The following SEMA5A variants were observed in gnomAD, a reference collection of about 807,000 sequenced individuals.
The protein encoded by SEMA5A is semaphorin 5A.
In SEMA5A, 55 loss-of-function variants were observed where a neutral mutation model predicts 135.5. That is an observed-to-expected ratio of 0.41 (90% CI 0.33 to 0.51). The LOEUF is 0.51. Ranked by LOEUF, SEMA5A falls within the 20% of genes least tolerant of loss-of-function variation. The pLI is 0.37. For missense variants in SEMA5A, 1,290 were observed against 1,419.9 expected (o/e 0.91, Z 1.47); for synonymous variants, 580 against 546.5 (o/e 1.06, Z -0.85).
chr5:9,381,980 G>GTGTGTGTGTGTGTT, intron 2 of SEMA5A, among the ~76,000 whole-genome samples: 1 of 95,502 alleles, frequency 1.0e-5, no homozygotes, highest in East Asian at 2.7e-4. Flanking sequence ...GTGTGTGTGT[G>GTGTGTGTGTGTGTT]TGCGCGCGCG....
At chr5:9,273,467 C>G (rs1283595271) in intron 5 of SEMA5A, among the ~76,000 whole-genome samples, 1 of 152,072 alleles carries the variant, frequency 6.6e-6, no homozygotes, top group Non-Finnish European at 1.5e-5. Context: ...GGCCAACATT[C>G]AAATTCAGGA....
intron 8 of SEMA5A, among the ~76,000 whole-genome samples, chr5:9,221,586 G>A (rs184794182): frequency 5.3e-5 from 8 of 152,164 alleles, no homozygotes; most frequent in South Asian, 2.1e-4. Flanking sequence ...ACAGGCGTGA[G>A]CCACCGCGCC....
intron 5 of SEMA5A, among the ~76,000 whole-genome samples, chr5:9,258,213 T>C (rs1222252244): frequency 6.6e-6 from 1 of 152,200 alleles, no homozygotes; most frequent in Non-Finnish European, 1.5e-5. Context: ...AAATAGGTTA[T>C]CAAATGCTAG....
intron 1 of SEMA5A, among the ~76,000 whole-genome samples, chr5:9,528,962 T>C (rs1044324301): frequency 2.0e-5 from 3 of 152,212 alleles, no homozygotes; most frequent in African/African-American, 7.2e-5. Flanking sequence ...GGCAGGGCTT[T>C]AGGGATAGCT....
In SEMA5A at chr5:9,039,974, A is replaced by G. The variant is rs1053199173; in HGVS notation, c.*2923T>C. ...ATAGCACTGGGAGCCACTTTCAAAG[A>G]ATTTAAATGTAAGACTAAAGCCAAG... On this transcript the variant is annotated 3_prime_UTR_variant, in exon 23 of 23. Transcript: ENST00000382496. The G allele has an allele frequency of 6.6e-6, 1 of 152,214 alleles. No individual in the cohort carries two copies. The highest frequency in any genetic ancestry group is 1.5e-5 in the Non-Finnish European group (1 of 68,060). The allele number at this position is 152,214 out of a possible 1,614,324, so 9.4% of individuals were successfully genotyped here.
intron 21 of SEMA5A, among the ~76,000 whole-genome samples, chr5:9,049,241 A>C (rs192060311): frequency 2.6e-5 from 4 of 152,198 alleles, no homozygotes; most frequent in Admixed American, 2.0e-4. Context: ...AGCTCACTGC[A>C]ACCTCCACCT....
rs534930200 is a variant in SEMA5A at position 9,050,760 on chromosome 5, G to A, written c.2846-303C>T. Among the ~76,000 whole-genome samples, 10 of 152,268 alleles carry A rather than the reference G, an allele frequency of 6.6e-5. 1 individual carries two copies. Among genetic ancestry groups the A allele is most frequent in the Middle Eastern group, 3.4e-3 (1 of 294 alleles). ...ATTTTCCATTACAAGGTGTCTTGCCGGGGGGATCCCCCCACTCTGCCCAAC... is the reference window on the plus strand; with the variant it reads ...ATTTTCCATTACAAGGTGTCTTGCCAGGGGGATCCCCCCACTCTGCCCAAC... On this transcript the variant is annotated intron_variant, in intron 20 of 22. Transcript: ENST00000382496.
intron 8 of SEMA5A, among the ~76,000 whole-genome samples, chr5:9,217,691 C>G (rs1158323801): frequency 1.3e-5 from 2 of 152,136 alleles, no homozygotes; most frequent in Non-Finnish European, 1.5e-5. Flanking sequence ...AGGTTTTGTT[C>G]ATTCCTTTTA....
rs760198129 is a variant in SEMA5A at position 9,466,145 on chromosome 5, A to T, written c.-174-28293T>A. ...TGTGCACACAGATACCTGGGTACCA[A>T]TGTGGAGATCACTGGGAAACAGGAT... On this transcript the variant is annotated intron_variant, in intron 1 of 22. Coordinates refer to ENST00000382496, the MANE Select transcript of SEMA5A (RefSeq NM_003966.3). Among the ~76,000 whole-genome samples the T allele has an allele frequency of 4.9e-4, 74 of 152,170 alleles. 1 individual carries two copies. Among genetic ancestry groups the T allele is most frequent in the Admixed American group, 3.9e-3 (60 of 15,278 alleles).
At chr5:9,259,091 G>A (rs1749256802) in intron 5 of SEMA5A, among the ~76,000 whole-genome samples, 1 of 151,904 alleles carries the variant, frequency 6.6e-6, no homozygotes, top group Admixed American at 6.6e-5. Flanking sequence ...CAAAGTGCTG[G>A]GATTACAGGC....
chr5:9,472,902 G>A (rs1338011229), intron 1 of SEMA5A, among the ~76,000 whole-genome samples: 1 of 150,270 alleles, frequency 6.7e-6, no homozygotes, highest in Non-Finnish European at 1.5e-5. Flanking sequence ...AATAAGTTAT[G>A]TATAGGATAT....
At chr5:9,178,562 C>A (rs373398998) in intron 11 of SEMA5A, among the ~76,000 whole-genome samples, 1 of 152,118 alleles carries the variant, frequency 6.6e-6, no homozygotes, top group South Asian at 2.1e-4. Flanking sequence ...CAACTCCTGA[C>A]CTCATGATCC....
intron 5 of SEMA5A, among the ~76,000 whole-genome samples, chr5:9,279,496 C>T (rs1287656308): frequency 2.6e-5 from 4 of 151,838 alleles, no homozygotes; most frequent in Admixed American, 2.0e-4. Flanking sequence ...GTTGGGAAGC[C>T]CTGATTGTTT....
chr5:9,172,905 T>G (rs1744005100), intron 11 of SEMA5A, among the ~76,000 whole-genome samples: 1 of 152,230 alleles, frequency 6.6e-6, no homozygotes, highest in African/African-American at 2.4e-5. Context: ...TGGTTATAGG[T>G]AGCAAGAAAT....
At chr5:9,117,011 A>G (rs1348539992) in intron 15 of SEMA5A, among the ~76,000 whole-genome samples, 1 of 152,226 alleles carries the variant, frequency 6.6e-6, no homozygotes, top group Non-Finnish European at 1.5e-5. Flanking sequence ...AAAATTTTAC[A>G]TAGTCCCTGT....
Position 9,062,868 on chromosome 5 carries a change from G to A in SEMA5A, c.2518+19C>T. On this transcript the variant is annotated intron_variant, in intron 18 of 22. Coordinates refer to ENST00000382496, the MANE Select transcript of SEMA5A (RefSeq NM_003966.3). ...CCCTTGAGTTTTCAGATGTTTTGTA[G>A]ACTACACAATCCACTTACCTGGGCA... 6.2e-7 allele frequency: 1 copy of A among 1,613,148 alleles called. No homozygotes were observed. The highest frequency in any genetic ancestry group is 8.5e-7 in the Non-Finnish European group (1 of 1,179,100).
intron 8 of SEMA5A, among the ~76,000 whole-genome samples, chr5:9,215,161 A>G (rs1002073595): frequency 6.6e-6 from 1 of 152,230 alleles, no homozygotes; most frequent in East Asian, 1.9e-4. Context: ...ACAGGAAACA[A>G]GAAGACAACG....
chr5:9,418,104 G>C (rs1331545613), intron 2 of SEMA5A, among the ~76,000 whole-genome samples: 2 of 151,986 alleles, frequency 1.3e-5, no homozygotes, highest in South Asian at 2.1e-4. Context: ...AGCCTCCCGA[G>C]TAGCTGGGAC....
In SEMA5A at chr5:9,037,732, T is replaced by C. The variant is rs1294620154; in HGVS notation, c.*5165A>G. ...TTAACAAGCAAGGATTAAAGCAACT[T>C]ATTTTCCTTTGCTTTATTAGGTTAA... is the stretch of plus-strand genomic sequence containing the variant. On this transcript the variant is annotated 3_prime_UTR_variant, in exon 23 of 23. Transcript: ENST00000382496. 2 of 152,284 alleles carry C rather than the reference T, an allele frequency of 1.3e-5. No homozygotes were observed. Among genetic ancestry groups the C allele is most frequent in the Admixed American group, 6.5e-5 (1 of 15,296 alleles). 9.4% of individuals were successfully genotyped at this position (152,284 alleles called of 1,614,324 possible). A position where few individuals can be genotyped will look rare whatever the true frequency, so the allele number is the denominator to read the frequency against.
Sources: allele counts gnomAD v4.1 joint callset (sites outside exome capture counted in the v4.1 genomes callset), GRCh38; gene constraint gnomAD v4.1.1; transcripts MANE v1.5; gene names NCBI Gene and HGNC (gene_info 2026-07-23, HGNC 2026-07-21).